Variants in NEDD1 observed in about 807,000 individuals in gnomAD.
NEDD1 encodes protein NEDD1.
Under a neutral mutation model 74.0 loss-of-function variants are expected in NEDD1, and 33 were observed. That is an observed-to-expected ratio of 0.45 (90% CI 0.34 to 0.60). NEDD1 has a LOEUF of 0.60. NEDD1 is among the 20% of genes least tolerant of loss of function. The probability of loss-of-function intolerance (pLI) is 0.01; values close to 1 mark genes in which losing one functional copy is unlikely to be tolerated. For missense variants in NEDD1, 746 were observed against 776.5 expected (o/e 0.96, Z 0.47); for synonymous variants, 250 against 264.4 (o/e 0.95, Z 0.53).
chr12:96,937,934 T>A (rs912581761), intron 9 of NEDD1, among the ~76,000 whole-genome samples: 4 of 152,048 alleles, frequency 2.6e-5, no homozygotes, highest in East Asian at 1.9e-4. Context: ...AATAAAAAAA[T>A]ATTCTGTAAA....
chr12:96,940,478 C>T lies in NEDD1; in HGVS notation c.1187C>T (p.Ser396Phe). 1 of 1,606,492 alleles carries T rather than the reference C, an allele frequency of 6.2e-7. No individual in the cohort carries two copies. Among genetic ancestry groups the T allele is most frequent in the Non-Finnish European group, 8.5e-7 (1 of 1,174,012 alleles). ...ETDSGKNQDF[S>F]SFDDTGKSSL... Reference sequence around the variant, plus strand: ...GACAGTGGAAAAAATCAGGATTTCTCCAGCTTTGATGATACTGGGAAAAGT... The same window carrying T: ...GACAGTGGAAAAAATCAGGATTTCTTCAGCTTTGATGATACTGGGAAAAGT... The change falls in exon 10 of 16, where the codon TCC (serine) becomes TTC (phenylalanine). Residue 396 changes from serine to phenylalanine, a missense_variant. Physicochemically the swap from Ser to Phe is radical, Grantham distance 155. Coordinates refer to ENST00000266742, the MANE Select transcript of NEDD1 (RefSeq NM_152905.4).
chr12:96,935,994 T>C (rs1877048657), intron 7 of NEDD1, among the ~76,000 whole-genome samples: 1 of 152,170 alleles, frequency 6.6e-6, no homozygotes, highest in Non-Finnish European at 1.5e-5. Context: ...GCTGTCTTCT[T>C]TTATGGAACA....
chr12:96,922,780 C>T (rs1797005067), intron 6 of NEDD1, among the ~76,000 whole-genome samples: 1 of 152,100 alleles, frequency 6.6e-6, no homozygotes, highest in African/African-American at 2.4e-5. Flanking sequence ...CACCAGAGGA[C>T]TTGATTTTGT....
chr12:96,907,417 T>C, intron 1 of NEDD1, 117 bp downstream of exon 1: 1 of 531,616 alleles, frequency 1.9e-6, no homozygotes. Context: ...CCTTGGGCTT[T>C]GCGCGCCCGG....
intron 10 of NEDD1, 120 bp downstream of exon 10, chr12:96,940,657 C>G: frequency 1.7e-6 from 1 of 592,616 alleles, no homozygotes; most frequent in South Asian, 3.9e-5. Flanking sequence ...TAATTTTCTC[C>G]ATCCCTGGGG....
chr12:96,926,517 C>T (rs966280859), intron 6 of NEDD1, among the ~76,000 whole-genome samples: 22 of 150,600 alleles, frequency 1.5e-4, no homozygotes, highest in African/African-American at 5.4e-4. Flanking sequence ...CTTATGTTTT[C>T]CTTTTATGGG....
intron 2 of NEDD1, among the ~76,000 whole-genome samples, chr12:96,909,425 A>G (rs930182965): frequency 6.6e-6 from 1 of 152,126 alleles, no homozygotes; most frequent in Admixed American, 6.5e-5. Context: ...AAAGACACTG[A>G]GGTGAGAATG....
Position 96,929,623 on chromosome 12 carries a change from A to ATAT in NEDD1, c.490-5352_490-5351insATT, listed in dbSNP as rs773021014. Among the ~76,000 whole-genome samples the ATAT allele has an allele frequency of 1.4e-3, 176 of 126,188 alleles. 1 individual carries two copies. The highest frequency in any genetic ancestry group is 8.1e-3 in the Middle Eastern group (2 of 248). 82.8% of individuals were successfully genotyped at this position (126,188 alleles called of 152,430 possible). ...CACATATGTGTATATATATATATAT[A>ATAT]TTTTTTTTTTAATGGCTGCTTGCTT... is the stretch of plus-strand genomic sequence containing the variant. On this transcript the variant is annotated intron_variant, in intron 6 of 15. Transcript: ENST00000266742.
chr12:96,907,411 G>C, intron 1 of NEDD1, 111 bp downstream of exon 1: 1 of 525,006 alleles, frequency 1.9e-6, no homozygotes, highest in Non-Finnish European at 3.3e-6. Context: ...GGCGGTCCTT[G>C]GGCTTTGCGC....
chr12:96,910,353 C>T (rs7973062), intron 3 of NEDD1, among the ~76,000 whole-genome samples: 77,492 of 152,008 alleles, frequency 0.51, 20,347 homozygotes, highest in African/African-American at 0.62. Context: ...TAAAAAATTG[C>T]CCAATATCTC....
At chr12:96,932,494 C>A (rs1876650151) in intron 6 of NEDD1, among the ~76,000 whole-genome samples, 1 of 54,878 alleles carries the variant, frequency 1.8e-5, no homozygotes, top group Non-Finnish European at 3.6e-5. Context: ...ATATAAAATG[C>A]ACACACACAA....
At chr12:96,941,689 G>A (rs1310032370) in intron 10 of NEDD1, among the ~76,000 whole-genome samples, 1 of 152,062 alleles carries the variant, frequency 6.6e-6, no homozygotes, top group African/African-American at 2.4e-5. Context: ...CTTTTTGGAA[G>A]TGTTTGAGTT....
intron 4 of NEDD1, among the ~76,000 whole-genome samples, chr12:96,917,126 G>A (rs1214927875): frequency 1.3e-5 from 2 of 152,128 alleles, no homozygotes. Context: ...GAGATTTGCT[G>A]GAAGACTTAG....
chr12:96,910,461 C>T (rs879262139), intron 3 of NEDD1, among the ~76,000 whole-genome samples: 1 of 152,142 alleles, frequency 6.6e-6, no homozygotes, highest in Admixed American at 6.5e-5. Context: ...CTAGATTGAA[C>T]TTTTCTAAGC....
intron 14 of NEDD1, among the ~76,000 whole-genome samples, chr12:96,949,821 TTTG>T (rs1186225754): frequency 2.6e-5 from 4 of 152,098 alleles, no homozygotes; most frequent in Non-Finnish European, 4.4e-5. Context: ...TGTTGTGACA[TTTG>T]TTTTTTCCTG....
In NEDD1 at chr12:96,952,768, T is replaced by A. The variant is rs1028440612; in HGVS notation, c.*715T>A. Reference sequence around the variant, plus strand: ...GGACTCGACAAGAGCTATCTGGTGATTTTCTCATTAGTAACATGCAACGTT... The same window carrying A: ...GGACTCGACAAGAGCTATCTGGTGAATTTCTCATTAGTAACATGCAACGTT... On this transcript the variant is annotated 3_prime_UTR_variant, in exon 16 of 16. Transcript: ENST00000266742. The A allele has an allele frequency of 1.3e-5, 2 of 151,728 alleles. No individual in the cohort carries two copies. Among genetic ancestry groups the A allele is most frequent in the Non-Finnish European group, 3.0e-5 (2 of 67,702 alleles). The allele number at this position is 151,728 out of a possible 1,614,324, so 9.4% of individuals were successfully genotyped here.
chr12:96,936,741 G>A lies in NEDD1; in HGVS notation c.850G>A (p.Val284Ile), dbSNP rs151076741. ...QYDLRMLKSP[V>I]KTISAHKTSV... ...TGATTTAAGAATGTTGAAATCACCA[G>A]TTAAGACCATCAGTGCTCACAAGAC... The change falls in exon 8 of 16, where the codon GTT becomes ATT. Residue 284 changes from valine to isoleucine, a missense_variant. Transcript: ENST00000266742. 7 of 1,613,076 alleles carry A rather than the reference G, an allele frequency of 4.3e-6. No individual in the cohort carries two copies. The highest frequency in any genetic ancestry group is 1.7e-5 in the Admixed American group (1 of 60,002).
In NEDD1 at chr12:96,936,713, A is replaced by G. The variant is rs774357479; in HGVS notation, c.822A>G (p.Gln274=). Residue 274 remains glutamine, a synonymous_variant, in exon 8 of 16, where the codon CAA becomes CAG. Transcript: ENST00000266742. ...GATCTTCCCGGGGGAAAATATATCA[A>G]TATGATTTAAGAATGTTGAAATCAC... ...AIGSSRGKIY[Q]YDLRMLKSPV... 10 of 1,612,878 alleles carry G rather than the reference A, an allele frequency of 6.2e-6. No homozygotes were observed. The highest frequency in any genetic ancestry group is 2.2e-5 in the East Asian group (1 of 44,878).
chr12:96,912,415 A>G (rs1874012031), intron 3 of NEDD1, among the ~76,000 whole-genome samples: 4 of 152,194 alleles, frequency 2.6e-5, no homozygotes, highest in Admixed American at 2.6e-4. Flanking sequence ...TCATGCTCTC[A>G]TTCTTGAAGG....
Sources: gnomAD v4.1 joint callset for allele counts (sites outside exome capture counted in the v4.1 genomes callset) on GRCh38, gnomAD v4.1.1 for gene constraint, MANE v1.5 for transcripts, NCBI Gene and HGNC (gene_info 2026-07-23, HGNC 2026-07-21) for gene names.